SLCO3A1: variants seen among roughly 807,000 people sequenced by gnomAD.
SLCO3A1 encodes solute carrier organic anion transporter family member 3A1.
Under a neutral mutation model 63.1 loss-of-function variants are expected in SLCO3A1, and 27 were observed. The observed-to-expected ratio is 0.43, with a 90% CI of 0.32 to 0.59. The LOEUF is 0.59. Among genes scored for constraint, SLCO3A1 ranks in the 20% least tolerant of loss-of-function variants. The pLI is 0.09. For missense variants in SLCO3A1, 773 were observed against 945.8 expected, an observed-to-expected ratio of 0.82 and a Z score of 2.40; for synonymous variants, 473 against 409.9, an observed-to-expected ratio of 1.15 and a Z score of -1.86.
At position 91,853,713 on chromosome 15, in the gene SLCO3A1, C is replaced by CGCGGCGGCG. The variant is rs58284139; in HGVS notation, c.-183_-175dup. On this transcript the variant is annotated 5_prime_UTR_variant, in exon 1 of 10. Coordinates refer to ENST00000318445, the MANE Select transcript of SLCO3A1 (RefSeq NM_013272.4). ...GGGAGGAGGAGGAGGAAGGGGCGAT[C>CGCGGCGGCG]GCGGCGGCGGCGGCGGCGGCGAGGA... is the stretch of plus-strand genomic sequence containing the variant. 5.6e-5 allele frequency: 19 copies of CGCGGCGGCG among 341,848 alleles called. 1 individual carries two copies. The highest frequency in any genetic ancestry group is 8.1e-5 in the Non-Finnish European group (19 of 234,754). The allele number at this position is 341,848 out of a possible 1,614,324, so 21.2% of individuals were successfully genotyped here. A position where few individuals can be genotyped will look rare whatever the true frequency, so the allele number is the denominator to read the frequency against.
At chr15:92,103,925 C>T (rs975164400) in intron 3 of SLCO3A1, among the ~76,000 whole-genome samples, 1 of 152,154 alleles carries the variant, frequency 6.6e-6, no homozygotes, top group Non-Finnish European at 1.5e-5. Flanking sequence ...TGAAAATCTA[C>T]CTCTGAACAA....
intron 2 of SLCO3A1, among the ~76,000 whole-genome samples, chr15:91,932,348 A>G (rs1277972414): frequency 1.3e-5 from 2 of 152,184 alleles, no homozygotes; most frequent in Non-Finnish European, 2.9e-5. Flanking sequence ...ATTTTCCAGT[A>G]ATTATCAGCA....
At chr15:92,047,949 G>T (rs1357876030) in intron 2 of SLCO3A1, among the ~76,000 whole-genome samples, 10 of 151,778 alleles carry the variant, frequency 6.6e-5, no homozygotes, top group Admixed American at 1.3e-4. Flanking sequence ...CTTGGATCTC[G>T]AGAGCTGAGG....
In SLCO3A1 at chr15:91,863,063, T is replaced by C. The variant is rs960422783; in HGVS notation, c.180+8975T>C. ...ATAAAATACAGCACCTAAAGTCTTA[T>C]GTTTACTCTGCTAAGAATTCCCTTA... On this transcript the variant is annotated intron_variant, in intron 1 of 9. Coordinates refer to ENST00000318445, the MANE Select transcript of SLCO3A1 (RefSeq NM_013272.4). The surrounding 1 kb of genome is among the most constrained non-coding windows in gnomAD (Gnocchi z 4.3). Among the ~76,000 whole-genome samples the C allele has an allele frequency of 6.6e-6, 1 of 152,242 alleles. No homozygotes were observed. The highest frequency in any genetic ancestry group is 1.5e-5 in the Non-Finnish European group (1 of 68,038).
Position 92,151,030 on chromosome 15 carries a change from TTATTTC to T in SLCO3A1, c.1753+17_1753+22del. On this transcript the variant is annotated intron_variant, in intron 9 of 9. Coordinates refer to ENST00000318445, the MANE Select transcript of SLCO3A1 (RefSeq NM_013272.4). ...CGTTTGTTGGGTATGTATTATCTCT[TTATTTC>T]CTCAATAATGAATTGGATGCTTATT... is the stretch of plus-strand genomic sequence containing the variant. The T allele has an allele frequency of 6.4e-7, 1 of 1,572,528 alleles. No homozygotes were observed. Among genetic ancestry groups the T allele is most frequent in the South Asian group, 1.1e-5 (1 of 88,668 alleles).
chr15:91,982,597 T>C (rs1337970867), intron 2 of SLCO3A1, among the ~76,000 whole-genome samples: 2 of 152,236 alleles, frequency 1.3e-5, no homozygotes, highest in African/African-American at 4.8e-5. Context: ...TGAAGTTCTG[T>C]GCCCTTGCCA....
At chr15:91,986,052 C>T (rs1339285856) in intron 2 of SLCO3A1, among the ~76,000 whole-genome samples, 1 of 152,194 alleles carries the variant, frequency 6.6e-6, no homozygotes, top group Non-Finnish European at 1.5e-5. Flanking sequence ...TCTGAGTTTA[C>T]ATTCCCTTGA....
At chr15:92,070,254 GA>G (rs1303275792) in intron 2 of SLCO3A1, among the ~76,000 whole-genome samples, 3 of 152,242 alleles carry the variant, frequency 2.0e-5, no homozygotes, top group African/African-American at 4.8e-5. Context: ...AAGGGACTTC[GA>G]AAGTTAAACA....
intron 1 of SLCO3A1, among the ~76,000 whole-genome samples, chr15:91,868,793 C>T (rs912843658): frequency 2.0e-5 from 3 of 152,096 alleles, no homozygotes; most frequent in African/African-American, 4.8e-5. Context: ...GTGCTACTGT[C>T]GTGATTTTTA....
chr15:92,025,194 T>C (rs1261656060), intron 2 of SLCO3A1, among the ~76,000 whole-genome samples: 2 of 140,786 alleles, frequency 1.4e-5, no homozygotes, highest in Admixed American at 6.8e-5. Flanking sequence ...TTTTAAAAAA[T>C]TTTTTTCTTG....
intron 2 of SLCO3A1, among the ~76,000 whole-genome samples, chr15:91,974,028 G>A (rs1369889915): frequency 6.6e-6 from 1 of 152,016 alleles, no homozygotes; most frequent in Non-Finnish European, 1.5e-5. Flanking sequence ...CTGTTCTGTG[G>A]TGAGCAGGCA....
chr15:91,970,024 A>G (rs868291775), intron 2 of SLCO3A1, among the ~76,000 whole-genome samples: 29 of 152,176 alleles, frequency 1.9e-4, no homozygotes, highest in African/African-American at 6.5e-4. Flanking sequence ...TTTTCCCCTC[A>G]GCGAAATGTT....
Position 92,163,145 on chromosome 15 carries a change from G to A in SLCO3A1, c.*10G>A, listed in dbSNP as rs75906555. 76 of 1,505,962 alleles carry A rather than the reference G, an allele frequency of 5.0e-5. No individual in the cohort carries two copies. The African/African-American group carries it at 8.6e-4, about 17-fold the overall frequency. The allele number at this position is 1,505,962 out of a possible 1,614,324, so 93.3% of individuals were successfully genotyped here. A position where few individuals can be genotyped will look rare whatever the true frequency, so the allele number is the denominator to read the frequency against. ...GGAGTCCGTTTTATAGTGACTAAAG[G>A]AGGGCTGAACTCTGTATTAGTAATC... On this transcript the variant is annotated 3_prime_UTR_variant, in exon 10 of 10. Coordinates refer to ENST00000318445, the MANE Select transcript of SLCO3A1 (RefSeq NM_013272.4).
chr15:92,079,535 C>A (rs1015986328), intron 2 of SLCO3A1, among the ~76,000 whole-genome samples: 3 of 152,220 alleles, frequency 2.0e-5, no homozygotes, highest in Admixed American at 2.0e-4. Context: ...GTCCAAATCC[C>A]TAAGGACACC....
At chr15:92,056,339 T>C (rs1387140780) in intron 2 of SLCO3A1, among the ~76,000 whole-genome samples, 2 of 120,772 alleles carry the variant, frequency 1.7e-5, no homozygotes, top group East Asian at 2.2e-4. Context: ...CATCCTTTGC[T>C]CCTGCTTTTT....
rs2045997999 is a variant in SLCO3A1, at chr15:91,982,321, G to A, written c.646+65863G>A. Among the ~76,000 whole-genome samples the A allele has an allele frequency of 3.3e-5, 5 of 152,278 alleles. No homozygotes were observed. The South Asian group carries it at 1.0e-3, about 31-fold the overall frequency. The stretch of plus-strand genomic sequence containing the variant: ...AGCCCACACTGGAGTGTCTAGTTAA[G>A]TAACAGGTTCACAGTCCAGCCTTGG... On this transcript the variant is annotated intron_variant, in intron 2 of 9. Coordinates refer to ENST00000318445, the MANE Select transcript of SLCO3A1 (RefSeq NM_013272.4).
intron 2 of SLCO3A1, among the ~76,000 whole-genome samples, chr15:92,094,292 C>T (rs1353990675): frequency 1.3e-5 from 2 of 152,182 alleles, no homozygotes; most frequent in Admixed American, 6.5e-5. Context: ...GACTTCAAAA[C>T]GTGGACAGAA....
At chr15:92,120,358 A>T in intron 4 of SLCO3A1, 107 bp from the exon 5 acceptor site, 1 of 1,185,386 alleles carries the variant, frequency 8.4e-7, no homozygotes, top group Admixed American at 2.2e-5. Context: ...CTGTTTGCTG[A>T]AATGGACAAG....
In SLCO3A1 at chr15:92,162,854, G is replaced by A. The variant is rs367867933; in HGVS notation, c.1852G>A (p.Asp618Asn). The part of the protein sequence containing the change: ...CGEQGACVLY[D>N]NVVYRYLYVS... Reference sequence around the variant, plus strand: ...GGAGCAAGGCGCCTGCGTCCTCTACGACAATGTGGTCTACCGATACCTGTA... The same window carrying A: ...GGAGCAAGGCGCCTGCGTCCTCTACAACAATGTGGTCTACCGATACCTGTA... Residue 618 changes from aspartate (D) to asparagine (N), a missense_variant, in exon 10 of 10, where the codon GAC becomes AAC. Around this residue, in one of 3 missense-constraint regions of SLCO3A1, gnomAD observed 139 missense variants for 131.4 expected, o/e 1.06. Transcript: ENST00000318445. The A allele has an allele frequency of 9.3e-6, 15 of 1,614,042 alleles. No individual in the cohort carries two copies. The highest frequency in any genetic ancestry group is 4.5e-5 in the East Asian group (2 of 44,890).
Sources: allele counts gnomAD v4.1 joint callset (sites outside exome capture counted in the v4.1 genomes callset), GRCh38; gene constraint gnomAD v4.1.1; regional missense constraint gnomAD v4.1.1; non-coding constraint Gnocchi (gnomAD v3.1); transcripts MANE v1.5; gene names NCBI Gene and HGNC (gene_info 2026-07-23, HGNC 2026-07-21).